Variants in PTPRM observed in about 807,000 individuals in gnomAD.
PTPRM encodes protein tyrosine phosphatase receptor type M.
A neutral mutation model predicts 186.7 loss-of-function variants in PTPRM; 47 were observed. The ratio of observed to expected loss-of-function variants is 0.25; its 90% CI spans 0.20 to 0.32. PTPRM has a LOEUF of 0.32. PTPRM is among the 10% of genes least tolerant of loss of function. The pLI, the probability that PTPRM is intolerant of heterozygous loss-of-function variation, is 1.00. For synonymous variants in PTPRM, 668 were observed against 674.9 expected, an observed-to-expected ratio of 0.99 and a Z score of 0.16; for missense variants, 1,494 against 1,865.0, an observed-to-expected ratio of 0.80 and a Z score of 3.66.
chr18:8,250,212 G>C (rs920451207), intron 17 of PTPRM, among the ~76,000 whole-genome samples: 1 of 152,058 alleles, frequency 6.6e-6, no homozygotes, highest in African/African-American at 2.4e-5. Context: ...TCATTTGCTT[G>C]CAAAAATGTA....
intron 3 of PTPRM, among the ~76,000 whole-genome samples, chr18:7,897,838 G>A (rs1442738986): frequency 6.6e-6 from 1 of 151,794 alleles, no homozygotes; most frequent in Non-Finnish European, 1.5e-5. Flanking sequence ...ATGAGTATAT[G>A]ACCTATGATT....
chr18:7,603,085 G>A (rs2037447194), intron 1 of PTPRM, among the ~76,000 whole-genome samples: 1 of 151,694 alleles, frequency 6.6e-6, no homozygotes, highest in South Asian at 2.1e-4. Context: ...CCGCCACCAC[G>A]CCTGGCTAAT....
chr18:7,966,649 G>A (rs546015873), intron 7 of PTPRM, among the ~76,000 whole-genome samples: 34 of 148,820 alleles, frequency 2.3e-4, no homozygotes, highest in South Asian at 8.7e-4. Context: ...CCTGGGAAGC[G>A]CAAGGGGTCA....
chr18:7,805,908 A>C (rs2044210245), intron 2 of PTPRM, among the ~76,000 whole-genome samples: 1 of 152,228 alleles, frequency 6.6e-6, no homozygotes, highest in Non-Finnish European at 1.5e-5. Flanking sequence ...AAAGTATTTT[A>C]AGAATACGTA....
intron 1 of PTPRM, among the ~76,000 whole-genome samples, chr18:7,607,096 G>A (rs2037548675): frequency 6.6e-6 from 1 of 152,016 alleles, no homozygotes. Context: ...GAAAGGTGGA[G>A]AAGGAATTGC....
intron 1 of PTPRM, among the ~76,000 whole-genome samples, chr18:7,596,799 C>T (rs1197841297): frequency 6.6e-6 from 1 of 151,956 alleles, no homozygotes; most frequent in East Asian, 1.9e-4. Flanking sequence ...ATGCCACTCA[C>T]TCCTTTCCTT....
intron 1 of PTPRM, among the ~76,000 whole-genome samples, chr18:7,599,255 A>G (rs2037341437): frequency 6.6e-6 from 1 of 152,204 alleles, no homozygotes; most frequent in Non-Finnish European, 1.5e-5. Flanking sequence ...GAGTTAAAAT[A>G]TTTCAAAATT....
intron 14 of PTPRM, among the ~76,000 whole-genome samples, chr18:8,207,569 C>G (rs917008748): frequency 2.6e-4 from 40 of 152,108 alleles, no homozygotes; most frequent in Admixed American, 9.8e-4. Context: ...ATAAGTGGTA[C>G]AGTAAAATCC....
intron 7 of PTPRM, among the ~76,000 whole-genome samples, chr18:7,992,589 T>C (rs1470515043): frequency 6.6e-6 from 1 of 152,100 alleles, no homozygotes; most frequent in East Asian, 1.9e-4. Flanking sequence ...TGTAGTTTAT[T>C]TGAGAAACAA....
chr18:7,604,000 A>G (rs9945442), intron 1 of PTPRM, among the ~76,000 whole-genome samples: 4,978 of 152,306 alleles, frequency 0.033, 272 homozygotes, highest in African/African-American at 0.11. Context: ...CAACATAATT[A>G]TTTATAAAAT....
intron 24 of PTPRM, among the ~76,000 whole-genome samples, chr18:8,375,706 C>G (rs557928942): frequency 1.3e-5 from 2 of 152,328 alleles, no homozygotes; most frequent in East Asian, 3.9e-4. Flanking sequence ...CCTCACCAGC[C>G]ACCTTGTGAT....
At chr18:7,704,513 G>T (rs1193227993) in intron 1 of PTPRM, among the ~76,000 whole-genome samples, 1 of 152,110 alleles carries the variant, frequency 6.6e-6, no homozygotes, top group Non-Finnish European at 1.5e-5. Context: ...GGGATCAGGG[G>T]TGATATTCGC....
At chr18:7,932,897 G>T (rs1226680898) in intron 5 of PTPRM, among the ~76,000 whole-genome samples, 1 of 152,188 alleles carries the variant, frequency 6.6e-6, no homozygotes, top group Non-Finnish European at 1.5e-5. Flanking sequence ...CACGTTCCAT[G>T]GTTTCTGTTA....
chr18:8,314,043 A>G (rs144213229), intron 20 of PTPRM, among the ~76,000 whole-genome samples: 2 of 152,330 alleles, frequency 1.3e-5, no homozygotes, highest in Admixed American at 1.3e-4. Context: ...AATAATTGAG[A>G]TACATCAATA....
intron 19 of PTPRM, among the ~76,000 whole-genome samples, chr18:8,267,571 C>T (rs982024713): frequency 3.9e-5 from 6 of 152,166 alleles, no homozygotes; most frequent in African/African-American, 1.4e-4. Flanking sequence ...CCAAATGTTT[C>T]CTTTATCTTT....
intron 9 of PTPRM, among the ~76,000 whole-genome samples, chr18:8,077,311 CCT>C (rs935903400): frequency 6.6e-6 from 1 of 151,948 alleles, no homozygotes; most frequent in African/African-American, 2.4e-5. Context: ...TCATATGGAA[CCT>C]CTGCTTGAAT....
intron 2 of PTPRM, among the ~76,000 whole-genome samples, chr18:7,872,083 A>G (rs1280905897): frequency 6.6e-6 from 1 of 152,206 alleles, no homozygotes. Context: ...GGCATATCTC[A>G]GATTATCCGT....
intron 19 of PTPRM, 123 bp from the exon 20 acceptor site, chr18:8,296,245 C>A: frequency 3.1e-6 from 2 of 645,900 alleles, no homozygotes; most frequent in South Asian, 1.9e-5. Context: ...TCCCTTGTCT[C>A]ATTTCTGTCG....
chr18:8,396,649 G>A (rs2095846830), intron 32 of PTPRM, among the ~76,000 whole-genome samples: 1 of 152,204 alleles, frequency 6.6e-6, no homozygotes, highest in Non-Finnish European at 1.5e-5. Context: ...TATTATGTGT[G>A]ATCCTGAGGG....
Sources: allele counts gnomAD v4.1 joint callset (sites outside exome capture counted in the v4.1 genomes callset), GRCh38; gene constraint gnomAD v4.1.1; transcripts MANE v1.5; gene names NCBI Gene and HGNC (gene_info 2026-07-23, HGNC 2026-07-21).